PTPN23: variants seen among roughly 807,000 people sequenced by gnomAD.
PTPN23 encodes the protein tyrosine-protein phosphatase non-receptor type 23.
A neutral mutation model predicts 156.3 loss-of-function variants in PTPN23; 72 were observed. The observed-to-expected ratio is 0.46, with a 90% CI of 0.38 to 0.56. The LOEUF is 0.56. Among genes scored for constraint, PTPN23 ranks in the 20% least tolerant of loss-of-function variants. The pLI is 0.00. For synonymous variants in PTPN23, 957 were observed against 899.6 expected (o/e 1.06, Z -1.14); for missense variants, 1,974 against 2,171.5 (o/e 0.91, Z 1.81).
At chr3:47,402,671 A>C (rs989774730) in intron 2 of PTPN23, among the ~76,000 whole-genome samples, 2 of 151,882 alleles carry the variant, frequency 1.3e-5, no homozygotes, top group African/African-American at 4.8e-5. Flanking sequence ...CAGTCTTCTG[A>C]ATTTTCTTTT....
At position 47,412,915 on chromosome 3, in the gene PTPN23, C is replaced by A. The variant is rs763008337; in HGVS notation, c.4641C>A (p.Pro1547=). Residue 1547 remains proline, a synonymous_variant, in exon 25 of 25, where the codon CCC becomes CCA. Coordinates refer to ENST00000265562, the MANE Select transcript of PTPN23 (RefSeq NM_015466.4). ...STPIPSSSPP[P]LSSPLPEAPQ... ...CAATCCCATCTTCCTCCCCGCCCCC[C>A]CTTTCCTCCCCACTACCTGAGGCTC... 31 of 1,603,078 alleles carry A rather than the reference C, an allele frequency of 1.9e-5. No individual in the cohort carries two copies. Among genetic ancestry groups the A allele is most frequent in the Admixed American group, 1.5e-4 (9 of 59,284 alleles).
At position 47,404,975 on chromosome 3, in the gene PTPN23, C is replaced by T. The variant is rs540176294; in HGVS notation, c.288-30C>T. 7.4e-6 allele frequency: 12 copies of T among 1,613,728 alleles called. 1 individual carries two copies. In the African/African-American group the frequency reaches 1.3e-4, roughly 18 times the overall value. Reference sequence around the variant, plus strand: ...CTCAGGGCCCTGGCTAGCTCCTGCCCTCGAGATAACTGGGGTGCCATGTCT... The same window carrying T: ...CTCAGGGCCCTGGCTAGCTCCTGCCTTCGAGATAACTGGGGTGCCATGTCT... On this transcript the variant is annotated intron_variant, in intron 3 of 24. Coordinates refer to ENST00000265562, the MANE Select transcript of PTPN23 (RefSeq NM_015466.4).
rs2107720513 is a variant in PTPN23, at chr3:47,409,548, A to G, written c.1929A>G (p.Val643=). 1 of 1,613,686 alleles carries G rather than the reference A, an allele frequency of 6.2e-7. No individual in the cohort carries two copies. Among genetic ancestry groups the G allele is most frequent in the Non-Finnish European group, 8.5e-7 (1 of 1,179,754 alleles). Residue 643 remains valine (V), a synonymous_variant, in exon 18 of 25, where the codon GTA becomes GTG. Transcript: ENST00000265562. ...TGCAGTACGCAGCCGTGCGGCGGGTACTCAGCGACTTGGACCAAAAGTCAG... is the reference window on the plus strand; with the variant it reads ...TGCAGTACGCAGCCGTGCGGCGGGTGCTCAGCGACTTGGACCAAAAGTCAG... ...ANVQYAAVRR[V]LSDLDQKWNS... is the part of the protein sequence containing the mutation.
intron 2 of PTPN23, among the ~76,000 whole-genome samples, chr3:47,401,205 ATTTT>A (rs1429276241): frequency 1.3e-5 from 2 of 148,344 alleles, no homozygotes; most frequent in Non-Finnish European, 3.0e-5. Flanking sequence ...CCGGCCTTTT[ATTTT>A]ATTTTTTGAG....
In PTPN23 at chr3:47,408,991, C is replaced by T. The variant is rs1378205477; in HGVS notation, c.1546C>T (p.His516Tyr). Residue 516 changes from histidine (H) to tyrosine (Y), a missense_variant, in exon 16 of 25, where the codon CAC becomes TAC. Physicochemically the swap from His to Tyr is moderately conservative, Grantham distance 83. Coordinates refer to ENST00000265562, the MANE Select transcript of PTPN23 (RefSeq NM_015466.4). ...GGCCTCCTTCACCAACAGTGAGCTG[C>T]ACCGTGCCATGAACCTGCACGTCGG... ...EKASFTNSEL[H>Y]RAMNLHVGNL... 1 of 1,614,178 alleles carries T rather than the reference C, an allele frequency of 6.2e-7. No individual in the cohort carries two copies.
intron 1 of PTPN23, among the ~76,000 whole-genome samples, chr3:47,385,823 C>T (rs895795978): frequency 3.3e-5 from 5 of 152,226 alleles, no homozygotes; most frequent in African/African-American, 1.2e-4. Flanking sequence ...TCCTCCCACT[C>T]TGGCTGAGTT....
intron 2 of PTPN23, among the ~76,000 whole-genome samples, chr3:47,398,663 T>G (rs2107705776): frequency 6.6e-6 from 1 of 152,064 alleles, no homozygotes; most frequent in Non-Finnish European, 1.5e-5. Context: ...TCTCCCCAGT[T>G]CAAACCATCC....
chr3:47,381,236 G>A (rs571840196), intron 1 of PTPN23, 56 bp downstream of exon 1: 2 of 1,545,738 alleles, frequency 1.3e-6, no homozygotes, highest in African/African-American at 2.7e-5. Context: ...TCGTCTGCAA[G>A]CGCGTGACGC....
At chr3:47,401,311 C>G (rs796171583) in intron 2 of PTPN23, among the ~76,000 whole-genome samples, 1 of 152,050 alleles carries the variant, frequency 6.6e-6, no homozygotes, top group Non-Finnish European at 1.5e-5. Context: ...CACTTCTCCC[C>G]CTTCCCAAGC....
rs377180486 is a variant in PTPN23 at position 47,406,270 on chromosome 3, G to A, written c.547-55G>A. The A allele has an allele frequency of 1.8e-4, 283 of 1,594,302 alleles. 3 individuals are homozygous for A. The African/African-American group carries it at 3.4e-3, about 19-fold the overall frequency. On this transcript the variant is annotated intron_variant, in intron 6 of 24. Coordinates refer to ENST00000265562, the MANE Select transcript of PTPN23 (RefSeq NM_015466.4). The surrounding 1 kb of genome is among the most constrained non-coding windows in gnomAD (Gnocchi z 5.8). ...TGCCCCTGGGGAAGGATAAAGGGAAGGGGAAGCGGGAGGCCTTGGGTGAGC... is the reference window on the plus strand; with the variant it reads ...TGCCCCTGGGGAAGGATAAAGGGAAAGGGAAGCGGGAGGCCTTGGGTGAGC...
intron 3 of PTPN23, 105 bp downstream of exon 3, chr3:47,404,884 G>A (rs1291038377): frequency 1.1e-5 from 17 of 1,575,904 alleles, no homozygotes. Flanking sequence ...ATGGGGAATG[G>A]CCTCATATGG....
rs754570814 is a variant in PTPN23 at position 47,412,695 on chromosome 3, T to C, written c.4432-11T>C. On this transcript the variant is annotated splice_polypyrimidine_tract_variant and intron_variant, in intron 24 of 24. Coordinates refer to ENST00000265562, the MANE Select transcript of PTPN23 (RefSeq NM_015466.4). Reference sequence around the variant, plus strand: ...TGGGACTCCCTCTCCTCACTCACTCTGTCTTCTCAGAACCACCTTCCTCAG... The same window carrying C: ...TGGGACTCCCTCTCCTCACTCACTCCGTCTTCTCAGAACCACCTTCCTCAG... The C allele has an allele frequency of 6.3e-7, 1 of 1,597,840 alleles. No individual in the cohort carries two copies. The highest frequency in any genetic ancestry group is 8.5e-7 in the Non-Finnish European group (1 of 1,169,924).
rs145734501 is a variant in PTPN23 at position 47,407,791 on chromosome 3, C to T, written c.1098C>T (p.His366=). The change falls in exon 13 of 25, where the codon CAC becomes CAT. Residue 366 remains histidine, a synonymous_variant. Coordinates refer to ENST00000265562, the MANE Select transcript of PTPN23 (RefSeq NM_015466.4). The surrounding 1 kb of genome is among the most constrained non-coding windows in gnomAD (Gnocchi z 4.0). ...IFAKLVPMAA[H]EASSLYSEEK... is the part of the protein sequence containing the mutation. ...CCAAACTGGTACCCATGGCTGCCCA[C>T]GAGGCCTCGTCACTGTACAGGTGGG... The T allele has an allele frequency of 5.0e-6, 8 of 1,613,992 alleles. No individual in the cohort carries two copies. The highest frequency in any genetic ancestry group is 2.2e-5 in the East Asian group (1 of 44,878).
chr3:47,407,621 G>A lies in PTPN23; in HGVS notation c.1003+37G>A. 6.2e-7 allele frequency: 1 copy of A among 1,606,114 alleles called. No homozygotes were observed. Among genetic ancestry groups the A allele is most frequent in the South Asian group, 1.1e-5 (1 of 90,908 alleles). ...GAGAGGTGGGGGCAGAGGTGACGGT[G>A]GGGTGGGGACAGGACACAGGAGGCT... On this transcript the variant is annotated intron_variant, in intron 12 of 24. Coordinates refer to ENST00000265562, the MANE Select transcript of PTPN23 (RefSeq NM_015466.4). This position sits in a 1 kb window ranked among gnomAD's most constrained non-coding sequence, Gnocchi z 4.0.
chr3:47,386,599 A>G (rs965702408), intron 1 of PTPN23, among the ~76,000 whole-genome samples: 2 of 152,170 alleles, frequency 1.3e-5, no homozygotes, highest in Admixed American at 6.5e-5. Context: ...TTGAAAAACT[A>G]GCTTGCACAT....
At position 47,411,134 on chromosome 3, in the gene PTPN23, A is replaced by T. The variant is rs2107724570; in HGVS notation, c.3336A>T (p.Arg1112=). The T allele has an allele frequency of 1.2e-5, 20 of 1,600,996 alleles. No homozygotes were observed. Among genetic ancestry groups the T allele is most frequent in the Non-Finnish European group, 1.7e-5 (20 of 1,175,254 alleles). ...CAGAACCACCCCCTTGCCTGCGCCGAGGCGCCGCAGCTGCAGACCTGCTCT... is the reference window on the plus strand; with the variant it reads ...CAGAACCACCCCCTTGCCTGCGCCGTGGCGCCGCAGCTGCAGACCTGCTCT... The part of the protein sequence containing the change: ...PAAEPPPCLR[R]GAAAADLLSS... Residue 1112 remains arginine, a synonymous_variant, in exon 20 of 25, where the codon CGA becomes CGT. Coordinates refer to ENST00000265562, the MANE Select transcript of PTPN23 (RefSeq NM_015466.4). This position sits in a 1 kb window ranked among gnomAD's most constrained non-coding sequence, Gnocchi z 6.3.
chr3:47,407,689 C>A lies in PTPN23; in HGVS notation c.1004-8C>A. The A allele has an allele frequency of 1.2e-6, 2 of 1,610,416 alleles. No individual in the cohort carries two copies. Among genetic ancestry groups the A allele is most frequent in the Non-Finnish European group, 1.7e-6 (2 of 1,176,822 alleles). On this transcript the variant is annotated splice_region_variant and splice_polypyrimidine_tract_variant and intron_variant, in intron 12 of 24. Coordinates refer to ENST00000265562, the MANE Select transcript of PTPN23 (RefSeq NM_015466.4). This position sits in a 1 kb window ranked among gnomAD's most constrained non-coding sequence, Gnocchi z 4.0. The stretch of plus-strand genomic sequence containing the variant: ...TGGGCCTGATCTCCACAATTCCCAC[C>A]CCCCCAGGAGCCCCCTTGGTGAAGC...
At chr3:47,384,019 A>C (rs898877862) in intron 1 of PTPN23, among the ~76,000 whole-genome samples, 1 of 152,090 alleles carries the variant, frequency 6.6e-6, no homozygotes, top group East Asian at 1.9e-4. Context: ...GTTAGAATTT[A>C]ATTTAGAATA....
chr3:47,382,891 T>C (rs1704577920), intron 1 of PTPN23, among the ~76,000 whole-genome samples: 1 of 151,818 alleles, frequency 6.6e-6, no homozygotes, highest in African/African-American at 2.4e-5. Flanking sequence ...GGTTTCATCG[T>C]GTTAGCCAGG....
Sources: gnomAD v4.1 joint callset for allele counts (sites outside exome capture counted in the v4.1 genomes callset) on GRCh38, gnomAD v4.1.1 for gene constraint, Gnocchi (gnomAD v3.1) non-coding constraint, MANE v1.5 for transcripts, NCBI Gene and HGNC (gene_info 2026-07-23, HGNC 2026-07-21) for gene names.